RSRC1: variants seen among roughly 807,000 people sequenced by gnomAD.
The protein encoded by RSRC1 is arginine and serine rich coiled-coil 1, also known as serine/Arginine-related protein 53.
A neutral mutation model predicts 49.1 loss-of-function variants in RSRC1; 39 were observed. That is an observed-to-expected ratio of 0.79 (90% CI 0.61 to 1.04). RSRC1 has a LOEUF of 1.04. Ranked by LOEUF, RSRC1 falls within the 50% of genes least tolerant of loss-of-function variation. The pLI, the probability that RSRC1 is intolerant of heterozygous loss-of-function variation, is 0.00. For missense variants in RSRC1, 388 were observed against 402.4 expected, an observed-to-expected ratio of 0.96 and a Z score of 0.31; for synonymous variants, 143 against 130.8, an observed-to-expected ratio of 1.09 and a Z score of -0.63.
intron 4 of RSRC1, among the ~76,000 whole-genome samples, chr3:158,228,028 T>G (rs1166193985): frequency 6.6e-6 from 1 of 152,024 alleles, no homozygotes; most frequent in Admixed American, 6.6e-5. Context: ...ATAGATTTTT[T>G]TATCATACTT....
intron 4 of RSRC1, among the ~76,000 whole-genome samples, chr3:158,209,428 T>G (rs1361123297): frequency 6.6e-6 from 1 of 152,078 alleles, no homozygotes; most frequent in African/African-American, 2.4e-5. Flanking sequence ...GGCAATAAAT[T>G]TTTATTCATT....
chr3:158,276,260 C>T, intron 4 of RSRC1: 2 of 769,316 alleles, frequency 2.6e-6, no homozygotes, highest in South Asian at 2.7e-5. Context: ...CTTTCTTGGC[C>T]TTGCAGCCCA....
intron 3 of RSRC1, among the ~76,000 whole-genome samples, chr3:158,175,482 GA>G (rs1263799398): frequency 1.4e-5 from 2 of 148,028 alleles, no homozygotes; most frequent in East Asian, 2.0e-4. Context: ...TGTATGGTAT[GA>G]TTTTTTTTTG....
Position 158,439,635 on chromosome 3 carries a change from C to A in RSRC1, c.584-21300C>A, listed in dbSNP as rs147836264. 2.0e-4 allele frequency among the ~76,000 whole-genome samples: 31 copies of A among 151,838 alleles called. No individual in the cohort carries two copies. In the South Asian group the frequency reaches 6.1e-3, roughly 30 times the overall value. ...ACAATGAGAACACATGGACACAGGA[C>A]GGGGAACATCACACACTGGGGCCTG... On this transcript the variant is annotated intron_variant, in intron 6 of 9. Coordinates refer to ENST00000611884, the MANE Select transcript of RSRC1 (RefSeq NM_001271838.2).
At chr3:158,506,018 T>C (rs1739845171) in intron 7 of RSRC1, among the ~76,000 whole-genome samples, 1 of 151,984 alleles carries the variant, frequency 6.6e-6, no homozygotes, top group African/African-American at 2.4e-5. Context: ...ACTGGGGAAA[T>C]ACTACAGGAC....
chr3:158,331,005 C>T (rs1320451044), intron 5 of RSRC1, among the ~76,000 whole-genome samples: 2 of 152,066 alleles, frequency 1.3e-5, no homozygotes, highest in Non-Finnish European at 2.9e-5. Flanking sequence ...GCAGACGATA[C>T]AGAGAGCATG....
At chr3:158,325,454 C>A (rs1170465549) in intron 5 of RSRC1, among the ~76,000 whole-genome samples, 1 of 152,178 alleles carries the variant, frequency 6.6e-6, no homozygotes, top group East Asian at 1.9e-4. Context: ...TATGGCTAGC[C>A]AGTTTTCCCA....
intron 8 of RSRC1, among the ~76,000 whole-genome samples, chr3:158,538,958 A>G (rs1712881947): frequency 6.6e-6 from 1 of 151,992 alleles, no homozygotes; most frequent in Non-Finnish European, 1.5e-5. Context: ...AAATATCTAT[A>G]TCTGCAATAT....
chr3:158,364,067 G>GTACC (rs1165306843), intron 6 of RSRC1, among the ~76,000 whole-genome samples: 3 of 152,166 alleles, frequency 2.0e-5, no homozygotes, highest in African/African-American at 7.2e-5. Flanking sequence ...TGCCTATTAA[G>GTACC]TACCTGGAAG....
intron 6 of RSRC1, among the ~76,000 whole-genome samples, chr3:158,397,890 A>G (rs1733696474): frequency 6.6e-6 from 1 of 152,124 alleles, no homozygotes; most frequent in South Asian, 2.1e-4. Flanking sequence ...AAGTTAGGTT[A>G]ATATTTAGAA....
chr3:158,390,026 T>C (rs1223976971), intron 6 of RSRC1, among the ~76,000 whole-genome samples: 1 of 152,194 alleles, frequency 6.6e-6, no homozygotes, highest in Non-Finnish European at 1.5e-5. Flanking sequence ...CAAAATTTAT[T>C]CAGGTAACAG....
At chr3:158,497,577 C>T (rs1408593982) in intron 7 of RSRC1, among the ~76,000 whole-genome samples, 3 of 152,126 alleles carry the variant, frequency 2.0e-5, no homozygotes, top group African/African-American at 7.2e-5. Context: ...GCTGGGACTA[C>T]AGGCGCGTGC....
chr3:158,407,099 G>A (rs1734193935), intron 6 of RSRC1, among the ~76,000 whole-genome samples: 1 of 152,052 alleles, frequency 6.6e-6, no homozygotes, highest in South Asian at 2.1e-4. Flanking sequence ...TAGCATTTTA[G>A]TACCTATTTT....
intron 7 of RSRC1, among the ~76,000 whole-genome samples, chr3:158,513,978 T>A (rs552067903): frequency 2.6e-4 from 40 of 152,282 alleles, no homozygotes; most frequent in Admixed American, 8.5e-4. Flanking sequence ...CCTTTATCAT[T>A]TTTTATTGCG....
chr3:158,377,979 A>G (rs1251280488), intron 6 of RSRC1, among the ~76,000 whole-genome samples: 1 of 152,108 alleles, frequency 6.6e-6, no homozygotes, highest in Non-Finnish European at 1.5e-5. Context: ...CCTTTATAGC[A>G]AGGCAAAATG....
chr3:158,431,991 T>C (rs1402258310), intron 6 of RSRC1, among the ~76,000 whole-genome samples: 2 of 151,990 alleles, frequency 1.3e-5, no homozygotes, highest in African/African-American at 4.8e-5. Context: ...CAGATGTTCA[T>C]GAATAATGTC....
intron 7 of RSRC1, among the ~76,000 whole-genome samples, chr3:158,492,853 C>T (rs990649780): frequency 3.3e-5 from 5 of 152,132 alleles, no homozygotes; most frequent in Non-Finnish European, 7.3e-5. Flanking sequence ...TGCTCCCACT[C>T]CTCCCCCGCA....
chr3:158,331,316 G>T (rs571011184), intron 5 of RSRC1, among the ~76,000 whole-genome samples: 20 of 152,324 alleles, frequency 1.3e-4, no homozygotes, highest in African/African-American at 4.3e-4. Context: ...TTGACTAGTA[G>T]TCTTTTGTGC....
intron 6 of RSRC1, among the ~76,000 whole-genome samples, chr3:158,445,672 C>T (rs768589388): frequency 1.3e-5 from 2 of 151,952 alleles, no homozygotes; most frequent in Non-Finnish European, 2.9e-5. Flanking sequence ...ACGAAAAAAA[C>T]GAAGTATGCC....
Sources: gnomAD v4.1 joint callset for allele counts (sites outside exome capture counted in the v4.1 genomes callset) on GRCh38, gnomAD v4.1.1 for gene constraint, MANE v1.5 for transcripts, NCBI Gene and HGNC (gene_info 2026-07-23, HGNC 2026-07-21) for gene names.